Variants in DMD observed in about 807,000 individuals in gnomAD.
DMD encodes dystrophin.
A neutral mutation model predicts 330.1 loss-of-function variants in DMD; 63 were observed. That is an observed-to-expected ratio of 0.19 (90% CI 0.16 to 0.24). DMD has a LOEUF of 0.24. DMD is among the 10% of genes least tolerant of loss of function. The probability of loss-of-function intolerance (pLI) is 1.00; values close to 1 mark genes in which losing one functional copy is unlikely to be tolerated. For missense variants in DMD, 3,344 were observed against 2,684.1 expected, an observed-to-expected ratio of 1.25 and a Z score of -5.43; for synonymous variants, 1,223 against 959.8, an observed-to-expected ratio of 1.27 and a Z score of -5.07.
At chrX:31,214,930 CTTTTTTCTTTTTTTTT>C (rs2045199057) in intron 64 of DMD, among the ~76,000 whole-genome samples, 2 of 46,136 alleles carry the variant, frequency 4.3e-5, no homozygotes, top group African/African-American at 1.7e-4. Context: ...TTTTTTATTT[CTTTTTTCTTTTTTTTT>C]TTTTTTTTTT....
In DMD at chrX:31,873,431, T is replaced by G. The variant is rs148694767; in HGVS notation, c.7098+1757A>C. Among the ~76,000 whole-genome samples the G allele has an allele frequency of 3.1e-3, 346 of 112,189 alleles. 3 individuals are homozygous for G. The highest frequency in any genetic ancestry group is 0.023 in the Admixed American group (246 of 10,573). The stretch of plus-strand genomic sequence containing the variant: ...CCCGAAACTTTTACTTCCTCTTCAC[T>G]AGAATATTCTCAAACTTCCTTTTCC... On this transcript the variant is annotated intron_variant, in intron 48 of 78. Transcript: ENST00000357033.
chrX:33,077,025 G>A (rs775437058), intron 1 of DMD, among the ~76,000 whole-genome samples: 1 of 110,591 alleles, frequency 9.0e-6, no homozygotes, highest in African/African-American at 3.3e-5. Context: ...CAGTTCCTGG[G>A]TGGAGGCCAC....
chrX:32,174,522 AC>A (rs2096899372), intron 44 of DMD, among the ~76,000 whole-genome samples: 1 of 111,956 alleles, frequency 8.9e-6, no homozygotes. Context: ...ATTGTCTATG[AC>A]TGCTTCAACA....
intron 44 of DMD, among the ~76,000 whole-genome samples, chrX:32,028,155 T>C (rs934307444): frequency 9.0e-6 from 1 of 111,475 alleles, no homozygotes; most frequent in Non-Finnish European, 1.9e-5. Flanking sequence ...GAGTTTATTG[T>C]AGATTTGGTA....
At chrX:32,543,252 T>C (rs1180560180) in intron 17 of DMD, among the ~76,000 whole-genome samples, 4 of 102,613 alleles carry the variant, frequency 3.9e-5, no homozygotes, top group Non-Finnish European at 5.7e-5. Context: ...CGAAAACTTA[T>C]GATACAAACA....
chrX:31,324,667 CT>C (rs1372494376), intron 61 of DMD, among the ~76,000 whole-genome samples: 5 of 111,716 alleles, frequency 4.5e-5, no homozygotes, highest in Non-Finnish European at 9.4e-5. Context: ...TGTGTCTATA[CT>C]TTTTCCCCTG....
intron 44 of DMD, among the ~76,000 whole-genome samples, chrX:32,058,402 C>G (rs1234577356): frequency 9.1e-6 from 1 of 109,457 alleles, no homozygotes; most frequent in Non-Finnish European, 1.9e-5. Context: ...ATTCGAACAA[C>G]CCAATTTTTA....
chrX:31,644,219 C>T (rs961965082), intron 54 of DMD, among the ~76,000 whole-genome samples: 28 of 111,459 alleles, frequency 2.5e-4, no homozygotes, highest in Admixed American at 2.0e-3. Flanking sequence ...TGTTAATACG[C>T]TAATAAAAGT....
chrX:32,783,112 A>T (rs1245167721), intron 7 of DMD, among the ~76,000 whole-genome samples: 1 of 102,319 alleles, frequency 9.8e-6, no homozygotes, highest in East Asian at 3.1e-4. Flanking sequence ...ATATACACAC[A>T]CACCATATGT....
chrX:32,886,637 C>G (rs1482403204), intron 2 of DMD, among the ~76,000 whole-genome samples: 1 of 110,411 alleles, frequency 9.1e-6, no homozygotes, highest in Non-Finnish European at 1.9e-5. Context: ...GAGCCGAGAT[C>G]GCGCCACTGC....
rs894038354 is a variant in DMD at position 32,716,668 on chromosome X, C to T, written c.650-17375G>A. 2.7e-5 allele frequency among the ~76,000 whole-genome samples: 3 copies of T among 110,828 alleles called. No homozygotes were observed. The East Asian group carries it at 8.5e-4, about 32-fold the overall frequency. ...GGAACAGTGTGGAGCGCTCAGAAGA[C>T]AGGAAGATGAGGGAAAGTTTGTAAC... On this transcript the variant is annotated intron_variant, in intron 7 of 78. Transcript: ENST00000357033.
At chrX:33,110,186 C>A (rs1403350395) in intron 1 of DMD, among the ~76,000 whole-genome samples, 1 of 110,338 alleles carries the variant, frequency 9.1e-6, no homozygotes, top group Non-Finnish European at 1.9e-5. Flanking sequence ...GAGTTATGCC[C>A]AATTTCACAG....
Position 32,337,614 on chromosome X carries a change from A to G in DMD, c.5922+4486T>C, listed in dbSNP as rs1213231933. Among the ~76,000 whole-genome samples, 3 of 110,375 alleles carry G rather than the reference A, an allele frequency of 2.7e-5. No individual in the cohort carries two copies. In the Admixed American group the frequency reaches 3.0e-4, roughly 11 times the overall value. On this transcript the variant is annotated intron_variant, in intron 41 of 78. Transcript: ENST00000357033. ...ATCTAGAAACATTATAATTGGTAAT[A>G]ATTTACATAGAACACATTATGCACA...
chrX:32,016,923 TA>T (rs2095765677), intron 44 of DMD, among the ~76,000 whole-genome samples: 1 of 112,694 alleles, frequency 8.9e-6, no homozygotes. Flanking sequence ...TAAGAAGCTG[TA>T]AATACTAACG....
intron 1 of DMD, among the ~76,000 whole-genome samples, chrX:33,262,455 G>A (rs906522343): frequency 1.8e-5 from 2 of 111,200 alleles, no homozygotes; most frequent in African/African-American, 6.5e-5. Flanking sequence ...AAAGGGCAAG[G>A]TTTATCTAAG....
intron 44 of DMD, among the ~76,000 whole-genome samples, chrX:32,063,187 AAC>A (rs113943502): frequency 3.5e-4 from 35 of 100,566 alleles, no homozygotes; most frequent in Middle Eastern, 5.0e-3. Flanking sequence ...AAGTATGTCT[AAC>A]ACACACACAC....
intron 74 of DMD, among the ~76,000 whole-genome samples, chrX:31,165,516 T>C (rs775868776): frequency 1.7e-4 from 19 of 112,143 alleles, no homozygotes; most frequent in Non-Finnish European, 3.4e-4. Context: ...TACCTTTTCA[T>C]TGCTAGGATC....
At chrX:33,229,993 A>T (rs1382942289) in intron 1 of DMD, among the ~76,000 whole-genome samples, 1 of 112,434 alleles carries the variant, frequency 8.9e-6, no homozygotes, top group Non-Finnish European at 1.9e-5. Flanking sequence ...TATTTCTAAT[A>T]TACTTACAAT....
intron 1 of DMD, among the ~76,000 whole-genome samples, chrX:33,249,596 C>T (rs186967184): frequency 9.0e-6 from 1 of 111,607 alleles, no homozygotes; most frequent in African/African-American, 3.3e-5. Flanking sequence ...GCACTCTTGG[C>T]CTGCCCATTT....
Sources: gnomAD v4.1 joint callset for allele counts (sites outside exome capture counted in the v4.1 genomes callset) on GRCh38, gnomAD v4.1.1 for gene constraint, MANE v1.5 for transcripts, NCBI Gene and HGNC (gene_info 2026-07-23, HGNC 2026-07-21) for gene names.